The following ITPR1 variants were observed in gnomAD, a reference collection of about 807,000 sequenced individuals.
ITPR1 encodes the protein inositol 1,4,5-trisphosphate receptor type 1, also known as inositol 1,4,5-trisphosphate-gated calcium channel ITPR1.
Under a neutral mutation model 318.4 loss-of-function variants are expected in ITPR1, and 96 were observed. The ratio of observed to expected loss-of-function variants is 0.30; its 90% CI spans 0.26 to 0.36. The LOEUF is 0.36. Ranked by LOEUF, ITPR1 falls within the 10% of genes least tolerant of loss-of-function variation. The probability of loss-of-function intolerance (pLI) is 1.00; values close to 1 mark genes in which losing one functional copy is unlikely to be tolerated. For synonymous variants in ITPR1, 1,312 were observed against 1,289.9 expected, an observed-to-expected ratio of 1.02 and a Z score of -0.37; for missense variants, 2,440 against 3,460.2, an observed-to-expected ratio of 0.71 and a Z score of 7.40.
At chr3:4,693,774 G>C (rs370953917) in intron 33 of ITPR1, 33 bp downstream of exon 33, 2 of 1,590,432 alleles carry the variant, frequency 1.3e-6, no homozygotes, top group South Asian at 2.3e-5. Flanking sequence ...TGCCCTTCTC[G>C]TTGCTATGTG....
At chr3:4,561,041 A>G (rs1042677562) in intron 4 of ITPR1, among the ~76,000 whole-genome samples, 3 of 152,208 alleles carry the variant, frequency 2.0e-5, no homozygotes, top group Admixed American at 6.5e-5. Context: ...GGAGATGTCC[A>G]TAGAACGAGG....
intron 44 of ITPR1, among the ~76,000 whole-genome samples, chr3:4,744,506 A>G (rs989736329): frequency 1.3e-5 from 2 of 152,198 alleles, no homozygotes; most frequent in Non-Finnish European, 2.9e-5. Context: ...ATAAAGTTTT[A>G]TTGGTGCATA....
At chr3:4,656,955 T>C (rs2093724246) in intron 12 of ITPR1, among the ~76,000 whole-genome samples, 1 of 152,216 alleles carries the variant, frequency 6.6e-6, no homozygotes, top group African/African-American at 2.4e-5. Flanking sequence ...AGCCCCCTCC[T>C]TGAATATCTG....
chr3:4,565,527 T>C (rs2087143613), intron 4 of ITPR1, among the ~76,000 whole-genome samples: 1 of 152,230 alleles, frequency 6.6e-6, no homozygotes, highest in Non-Finnish European at 1.5e-5. Flanking sequence ...CACTTAAAGT[T>C]AAATTAAATT....
chr3:4,682,905 A>G (rs148266938), intron 26 of ITPR1, among the ~76,000 whole-genome samples: 1 of 152,274 alleles, frequency 6.6e-6, no homozygotes, highest in East Asian at 1.9e-4. Flanking sequence ...ATATTTAAAT[A>G]TAGTCAGGCA....
At chr3:4,493,849 A>G (rs2080331842) in intron 1 of ITPR1, among the ~76,000 whole-genome samples, 1 of 151,332 alleles carries the variant, frequency 6.6e-6, no homozygotes, top group South Asian at 2.1e-4. Flanking sequence ...GCATTCCCCC[A>G]AGTTGGAAAC....
chr3:4,499,828 G>T (rs936180634), intron 2 of ITPR1, among the ~76,000 whole-genome samples: 1 of 152,258 alleles, frequency 6.6e-6, no homozygotes, highest in Non-Finnish European at 1.5e-5. Context: ...ATTGAGAAGG[G>T]GTCTCACTAT....
chr3:4,629,549 C>T (rs1442354712), intron 5 of ITPR1, among the ~76,000 whole-genome samples: 3 of 152,236 alleles, frequency 2.0e-5, no homozygotes, highest in Admixed American at 1.3e-4. Flanking sequence ...TTGCTCACTG[C>T]TGTATCCCAG....
At chr3:4,596,610 A>AG (rs1437271677) in intron 4 of ITPR1, among the ~76,000 whole-genome samples, 1 of 152,120 alleles carries the variant, frequency 6.6e-6, no homozygotes, top group East Asian at 1.9e-4. Context: ...TTTTGGTTTG[A>AG]GGTCATATGG....
At chr3:4,824,869 G>C (rs1357278979) in intron 60 of ITPR1, among the ~76,000 whole-genome samples, 1 of 152,188 alleles carries the variant, frequency 6.6e-6, no homozygotes, top group Admixed American at 6.5e-5. Flanking sequence ...TGCAGCCCTT[G>C]CAAAGGATGT....
At chr3:4,824,292 G>T (rs1406511368) in intron 60 of ITPR1, among the ~76,000 whole-genome samples, 1 of 152,160 alleles carries the variant, frequency 6.6e-6, no homozygotes, top group Non-Finnish European at 1.5e-5. Context: ...AACACTGTAT[G>T]TGCATGATCT....
At position 4,665,050 on chromosome 3, in the gene ITPR1, C is replaced by T; in HGVS notation, c.1555-88C>T. 4 of 1,394,218 alleles carry T rather than the reference C, an allele frequency of 2.9e-6. No homozygotes were observed. The Admixed American group carries it at 5.1e-5, about 18-fold the overall frequency. The allele number at this position is 1,394,218 out of a possible 1,614,324, so 86.4% of individuals were successfully genotyped here. On this transcript the variant is annotated intron_variant, in intron 16 of 61. Transcript: ENST00000649015. ...GAGAAATTTTCTAATGTAATCCAGC[C>T]ACCCTTGAGCTTGCATTACTTCCAA...
intron 55 of ITPR1, among the ~76,000 whole-genome samples, chr3:4,807,614 C>T (rs774448460): frequency 1.2e-4 from 18 of 152,126 alleles, no homozygotes; most frequent in Non-Finnish European, 2.4e-4. Context: ...AGGAATTCAC[C>T]GTTCAGATCA....
chr3:4,751,831 G>A (rs1575121795), intron 44 of ITPR1, among the ~76,000 whole-genome samples: 1 of 152,270 alleles, frequency 6.6e-6, no homozygotes, highest in East Asian at 1.9e-4. Flanking sequence ...CCTGATGCAG[G>A]GACAGTGAAG....
At chr3:4,743,893 G>A (rs1345339834) in intron 44 of ITPR1, among the ~76,000 whole-genome samples, 1 of 152,226 alleles carries the variant, frequency 6.6e-6, no homozygotes, top group African/African-American at 2.4e-5. Flanking sequence ...GGAGTGCAGT[G>A]GCGCGATCTC....
At chr3:4,611,805 A>T (rs2092139675) in intron 4 of ITPR1, among the ~76,000 whole-genome samples, 1 of 152,044 alleles carries the variant, frequency 6.6e-6, no homozygotes, top group Non-Finnish European at 1.5e-5. Context: ...TTTTTATGAA[A>T]ATTTTACACT....
At chr3:4,746,786 A>G (rs1363577345) in intron 44 of ITPR1, among the ~76,000 whole-genome samples, 1 of 152,230 alleles carries the variant, frequency 6.6e-6, no homozygotes, top group African/African-American at 2.4e-5. Context: ...TCAGCTCAGC[A>G]TGGAGCTTTT....
intron 12 of ITPR1, 108 bp from the exon 13 acceptor site, chr3:4,658,016 C>T: frequency 9.2e-7 from 1 of 1,089,730 alleles, no homozygotes. Flanking sequence ...CTGCCAACTG[C>T]TGACATTCAC....
chr3:4,766,546 G>A lies in ITPR1; in HGVS notation c.5561G>A (p.Arg1854His), dbSNP rs375517463. 6.2e-6 allele frequency: 10 copies of A among 1,613,176 alleles called. No individual in the cohort carries two copies. Among genetic ancestry groups the A allele is most frequent in the East Asian group, 2.2e-5 (1 of 44,876 alleles). Reference sequence around the variant, plus strand: ...CCTTTGCAGCACTCCTTTTTCTGTCGCTTGACAGAAGATAAGAAGTCAGAG... The same window carrying A: ...CCTTTGCAGCACTCCTTTTTCTGTCACTTGACAGAAGATAAGAAGTCAGAG... The part of the protein sequence containing the change: ...NTTIQHSFFC[R>H]LTEDKKSEKF... Residue 1854 changes from arginine (R) to histidine (H), a missense_variant, in exon 45 of 62, where the codon CGC (arginine) becomes CAC (histidine). Arg to His is a conservative substitution (Grantham distance 29). Transcript: ENST00000649015.
Sources: allele counts gnomAD v4.1 joint callset (sites outside exome capture counted in the v4.1 genomes callset), GRCh38; gene constraint gnomAD v4.1.1; transcripts MANE v1.5; gene names NCBI Gene and HGNC (gene_info 2026-07-23, HGNC 2026-07-21).